Variants in KAT7 observed in about 807,000 individuals in gnomAD.
KAT7 encodes the protein histone acetyltransferase KAT7.
KAT7 carries 10 observed loss-of-function variants against 82.1 expected under a neutral mutation model. The ratio of observed to expected loss-of-function variants is 0.12; its 90% confidence interval spans 0.08 to 0.21. KAT7 has a LOEUF of 0.21. Ranked by LOEUF, KAT7 falls within the 10% of genes least tolerant of loss-of-function variation. The probability of loss-of-function intolerance (pLI) is 1.00; values close to 1 mark genes in which losing one functional copy is unlikely to be tolerated. For synonymous variants in KAT7, 250 were observed against 262.5 expected (o/e 0.95, Z 0.46); for missense variants, 378 against 760.9 (o/e 0.50, Z 5.92).
rs1308379695 is a variant in KAT7, at chr17:49,832,586, C to T, written c.*5084C>T. On this transcript the variant is annotated 3_prime_UTR_variant, in exon 15 of 15. Coordinates refer to ENST00000259021, the MANE Select transcript of KAT7 (RefSeq NM_007067.5). ...GAAACCCTGGTTTGAGAAAAAGCCC[C>T]AGTGAGACAGCAGGAATCCTTTTAC... is the stretch of plus-strand genomic sequence containing the variant. The T allele has an allele frequency of 6.6e-6, 1 of 152,198 alleles. No individual in the cohort carries two copies. Among genetic ancestry groups the T allele is most frequent in the Admixed American group, 6.5e-5 (1 of 15,282 alleles). 9.4% of individuals were successfully genotyped at this position (152,198 alleles called of 1,614,324 possible). A position where few individuals can be genotyped will look rare whatever the true frequency, so the allele number is the denominator to read the frequency against.
chr17:49,807,871 G>T (rs1022216409), intron 5 of KAT7, among the ~76,000 whole-genome samples: 17 of 152,270 alleles, frequency 1.1e-4, no homozygotes, highest in Middle Eastern at 3.4e-3. Context: ...GTTGTTGACT[G>T]GATCAGCTAT....
chr17:49,831,095 A>G lies in KAT7; in HGVS notation c.*3593A>G, dbSNP rs1358269946. The stretch of plus-strand genomic sequence containing the variant: ...CCAGGAATTCGAGACTAGCCTGGGC[A>G]GCATGGTGAAACCCCAGCTCTACAA... On this transcript the variant is annotated 3_prime_UTR_variant, in exon 15 of 15. Transcript: ENST00000259021. 6.6e-6 allele frequency: 1 copy of G among 152,334 alleles called. No homozygotes were observed. Among genetic ancestry groups the G allele is most frequent in the Non-Finnish European group, 1.5e-5 (1 of 68,128 alleles). 9.4% of individuals were successfully genotyped at this position (152,334 alleles called of 1,614,324 possible). A position where few individuals can be genotyped will look rare whatever the true frequency, so the allele number is the denominator to read the frequency against.
chr17:49,823,146 G>A, intron 11 of KAT7, 56 bp from the exon 12 acceptor site: 1 of 1,022,352 alleles, frequency 9.8e-7, no homozygotes. Context: ...TGGAAGTGCT[G>A]AAACCTTTGG....
intron 1 of KAT7, among the ~76,000 whole-genome samples, chr17:49,791,262 G>T (rs757844647): frequency 1.1e-4 from 17 of 152,208 alleles, no homozygotes; most frequent in Non-Finnish European, 2.1e-4. Context: ...TAAGTTAAAT[G>T]AGGTCCAGCA....
chr17:49,824,176 T>C (rs2074339540), intron 12 of KAT7, among the ~76,000 whole-genome samples: 1 of 152,208 alleles, frequency 6.6e-6, no homozygotes. Context: ...TCCCTGTATT[T>C]CCCGTAGGAG....
At chr17:49,791,788 T>C in intron 1 of KAT7, 98 bp from the exon 2 acceptor site, 1 of 1,206,072 alleles carries the variant, frequency 8.3e-7, no homozygotes. Flanking sequence ...GGTTTGAACT[T>C]GGGGTTTTCA....
intron 5 of KAT7, among the ~76,000 whole-genome samples, chr17:49,807,489 A>G (rs1237115770): frequency 1.3e-5 from 2 of 152,240 alleles, no homozygotes; most frequent in Non-Finnish European, 2.9e-5. Flanking sequence ...TAGGCCGTGT[A>G]TGGCTGGATC....
chr17:49,821,134 TA>T (rs2074298554), intron 9 of KAT7, among the ~76,000 whole-genome samples: 1 of 152,338 alleles, frequency 6.6e-6, no homozygotes, highest in East Asian at 1.9e-4. Context: ...CAGATTGCTA[TA>T]AAAGTGTCAT....
chr17:49,803,450 A>C (rs1394449321), intron 4 of KAT7, among the ~76,000 whole-genome samples: 1 of 151,162 alleles, frequency 6.6e-6, no homozygotes, highest in East Asian at 2.0e-4. Context: ...TTTGAGATGG[A>C]GTCTCGCTTT....
intron 2 of KAT7, chr17:49,795,677 G>T: frequency 4.2e-6 from 1 of 238,390 alleles, no homozygotes. Context: ...GCACAGTAAA[G>T]GGCACAAATT....
At chr17:49,819,086 C>G (rs2074270604) in intron 9 of KAT7, among the ~76,000 whole-genome samples, 1 of 152,188 alleles carries the variant, frequency 6.6e-6, no homozygotes, top group Non-Finnish European at 1.5e-5. Flanking sequence ...TCTGGGGTGT[C>G]TCTTTTTCCT....
At position 49,796,933 on chromosome 17, in the gene KAT7, G is replaced by A; in HGVS notation, c.340+7G>A. The A allele has an allele frequency of 6.2e-7, 1 of 1,613,548 alleles. No individual in the cohort carries two copies. The highest frequency in any genetic ancestry group is 8.5e-7 in the Non-Finnish European group (1 of 1,179,494). On this transcript the variant is annotated splice_region_variant and intron_variant, in intron 3 of 14. Coordinates refer to ENST00000259021, the MANE Select transcript of KAT7 (RefSeq NM_007067.5). ...GTTGATTTTTCAGATAGAGGTGAGT[G>A]GGTATGGTATGACTTAGACCTATTA... is the stretch of plus-strand genomic sequence containing the variant.
chr17:49,804,165 G>T (rs1019907133), intron 4 of KAT7, among the ~76,000 whole-genome samples: 2 of 151,458 alleles, frequency 1.3e-5, no homozygotes, highest in East Asian at 4.0e-4. Flanking sequence ...AGATCACGAG[G>T]TCAGGAGATC....
chr17:49,824,714 A>G (rs939809192), intron 12 of KAT7: 8 of 152,184 alleles, frequency 5.3e-5, no homozygotes, highest in Non-Finnish European at 8.8e-5. Context: ...AAGTGACATA[A>G]GAGGGGAACT....
chr17:49,826,046 T>A lies in KAT7; in HGVS notation c.1527T>A (p.Arg509=). 1 of 1,612,726 alleles carries A rather than the reference T, an allele frequency of 6.2e-7. No individual in the cohort carries two copies. ...AAGAAAAAGTTGGCTCCCCAGAACG[T>A]CCACTCTCAGATCTGGGGCTTATAA... ...KVEEKVGSPE[R]PLSDLGLISY... is the part of the protein sequence containing the mutation. The change falls in exon 13 of 15, where the codon CGT becomes CGA. Residue 509 remains arginine, a synonymous_variant. Coordinates refer to ENST00000259021, the MANE Select transcript of KAT7 (RefSeq NM_007067.5).
chr17:49,799,262 C>T (rs2073993323), intron 4 of KAT7, among the ~76,000 whole-genome samples: 1 of 152,178 alleles, frequency 6.6e-6, no homozygotes, highest in Non-Finnish European at 1.5e-5. Flanking sequence ...AGGGGCCTTT[C>T]ACTACTGGGT....
At chr17:49,808,027 T>A (rs2074113230) in intron 5 of KAT7, among the ~76,000 whole-genome samples, 1 of 152,088 alleles carries the variant, frequency 6.6e-6, no homozygotes, top group Non-Finnish European at 1.5e-5. Context: ...AATTCCCAGA[T>A]TATGAAACAG....
intron 2 of KAT7, 113 bp from the exon 3 acceptor site, chr17:49,796,637 G>A: frequency 1.3e-6 from 1 of 756,234 alleles, no homozygotes; most frequent in Non-Finnish European, 2.0e-6. Flanking sequence ...AGGATTTGTT[G>A]GATTTTGTGA....
chr17:49,805,467 C>T, intron 5 of KAT7, 22 bp downstream of exon 5: 1 of 1,552,046 alleles, frequency 6.4e-7, no homozygotes, highest in Non-Finnish European at 8.9e-7. Flanking sequence ...CTCATTTATT[C>T]AACACATGCT....
Sources: allele counts gnomAD v4.1 joint callset (sites outside exome capture counted in the v4.1 genomes callset), GRCh38; gene constraint gnomAD v4.1.1; transcripts MANE v1.5; gene names NCBI Gene and HGNC (gene_info 2026-07-23, HGNC 2026-07-21).